ERC1: variants seen among roughly 807,000 people sequenced by gnomAD.
ERC1 encodes ELKS/RAB6-interacting/CAST family member 1, also known as RAB6 interacting protein 2.
ERC1 carries 56 observed loss-of-function variants against 132.0 expected under a neutral mutation model. The observed-to-expected ratio is 0.42, with a 90% CI of 0.34 to 0.53. The LOEUF (loss-of-function observed/expected upper bound fraction) is 0.53, where lower values mean the gene tolerates loss of function less well. Among genes scored for constraint, ERC1 ranks in the 20% least tolerant of loss-of-function variants. The probability of loss-of-function intolerance (pLI) is 0.03; values close to 1 mark genes in which losing one functional copy is unlikely to be tolerated. For missense variants in ERC1, 1,202 were observed against 1,349.9 expected (o/e 0.89, Z 1.72); for synonymous variants, 478 against 476.1 (o/e 1.00, Z -0.05).
chr12:1,236,712 CAT>C (rs1364098850), intron 12 of ERC1, 55 bp from the exon 13 acceptor site: 1 of 1,533,454 alleles, frequency 6.5e-7, no homozygotes, highest in African/African-American at 1.4e-5. Flanking sequence ...TCTAGATAAA[CAT>C]ATTTGTTTCT....
intron 2 of ERC1, 70 bp downstream of exon 2, chr12:1,028,642 C>G (rs1430982813): frequency 1.4e-5 from 18 of 1,280,996 alleles, no homozygotes; most frequent in East Asian, 2.4e-5. Flanking sequence ...TTTTTTTCCC[C>G]TTTCCTAGAT....
At position 1,144,292 on chromosome 12, in the gene ERC1, G is replaced by C. The variant is rs2968893; in HGVS notation, c.1737+2505G>C. Among the ~76,000 whole-genome samples the C allele has an allele frequency of 3.7e-3, 556 of 152,250 alleles. 4 individuals carry two copies. The highest frequency in any genetic ancestry group is 0.013 in the African/African-American group (526 of 41,548). ...TTCAGTAGTTTTTGGAGAACAGGTGGTGTTTGGTGACATGGATAAGTTCTT... is the reference window on the plus strand; with the variant it reads ...TTCAGTAGTTTTTGGAGAACAGGTGCTGTTTGGTGACATGGATAAGTTCTT... On this transcript the variant is annotated intron_variant, in intron 8 of 18. Coordinates refer to ENST00000360905, the MANE Select transcript of ERC1 (RefSeq NM_178040.4).
At chr12:1,477,151 C>T (rs909473125) in intron 18 of ERC1, among the ~76,000 whole-genome samples, 15 of 151,534 alleles carry the variant, frequency 9.9e-5, no homozygotes, top group African/African-American at 3.6e-4. Flanking sequence ...AGATGAGGGA[C>T]ATAGAAGAGT....
At chr12:1,254,820 G>A (rs972770340) in intron 13 of ERC1, among the ~76,000 whole-genome samples, 14 of 152,196 alleles carry the variant, frequency 9.2e-5, no homozygotes, top group African/African-American at 2.4e-4. Context: ...AATAATAATC[G>A]TACGTATGTA....
chr12:1,165,338 C>G (rs1018805100), intron 8 of ERC1, among the ~76,000 whole-genome samples: 1 of 151,468 alleles, frequency 6.6e-6, no homozygotes, highest in African/African-American at 2.4e-5. Flanking sequence ...TGGAGTCTCG[C>G]TCTGTTGCCC....
chr12:1,461,638 G>C (rs2093647055), intron 18 of ERC1, among the ~76,000 whole-genome samples: 1 of 152,160 alleles, frequency 6.6e-6, no homozygotes. Context: ...TTGCACTCCA[G>C]CCTGGGAGAC....
At chr12:1,090,873 T>TGCC (rs1261460373) in intron 3 of ERC1, among the ~76,000 whole-genome samples, 4 of 11,504 alleles carry the variant, frequency 3.5e-4, no homozygotes, top group Admixed American at 1.4e-3. Context: ...GTTGTTATTA[T>TGCC]TATTATTATT....
chr12:1,141,931 C>A (rs754095167), intron 8 of ERC1, 144 bp downstream of exon 8: 3 of 587,128 alleles, frequency 5.1e-6, no homozygotes, highest in African/African-American at 1.9e-5. Flanking sequence ...ACTCTTGTTG[C>A]GGTAGGTAGA....
chr12:1,284,790 C>T (rs558927618), intron 14 of ERC1, among the ~76,000 whole-genome samples: 6 of 152,112 alleles, frequency 3.9e-5, no homozygotes, highest in East Asian at 3.9e-4. Context: ...CCAGAATGGC[C>T]GAGACTACAG....
At chr12:1,039,460 G>C (rs1006993227) in intron 2 of ERC1, among the ~76,000 whole-genome samples, 1 of 151,960 alleles carries the variant, frequency 6.6e-6, no homozygotes, top group Admixed American at 6.5e-5. Flanking sequence ...ACCGCAGGAG[G>C]TGGAAGCTGC....
In ERC1 at chr12:1,459,737, A is replaced by C. The variant is rs548086114; in HGVS notation, c.3213+14987A>C. Among the ~76,000 whole-genome samples, 7 of 152,376 alleles carry C rather than the reference A, an allele frequency of 4.6e-5. No individual in the cohort carries two copies. In the East Asian group the frequency reaches 1.2e-3, roughly 25 times the overall value. On this transcript the variant is annotated intron_variant, in intron 18 of 18. Coordinates refer to ENST00000360905, the MANE Select transcript of ERC1 (RefSeq NM_178040.4). ...GTCAGTTAATTAGCACAAAGTATTT[A>C]TAGTTAATTTACATTGGAAAAATCT...
intron 17 of ERC1, among the ~76,000 whole-genome samples, chr12:1,440,248 A>AG (rs1328223519): frequency 1.0e-4 from 13 of 125,034 alleles, no homozygotes; most frequent in Non-Finnish European, 1.9e-4. Flanking sequence ...TCTGTCGCCC[A>AG]GGCTGGAGTG....
intron 18 of ERC1, among the ~76,000 whole-genome samples, chr12:1,447,574 G>A (rs2093334809): frequency 6.6e-6 from 1 of 151,032 alleles, no homozygotes; most frequent in Non-Finnish European, 1.5e-5. Flanking sequence ...GCTTATTAAT[G>A]TATTAAAGTT....
intron 2 of ERC1, among the ~76,000 whole-genome samples, chr12:1,062,416 C>T (rs901517523): frequency 5.3e-5 from 8 of 152,142 alleles, no homozygotes; most frequent in Admixed American, 6.5e-5. Context: ...GCCACCACAC[C>T]TTGTCATTAT....
intron 13 of ERC1, among the ~76,000 whole-genome samples, chr12:1,252,853 TA>T (rs1334397548): frequency 2.6e-5 from 4 of 152,184 alleles, no homozygotes; most frequent in African/African-American, 7.2e-5. Flanking sequence ...GAGAAGTTGG[TA>T]AATGAATTCT....
chr12:1,393,607 CGTGTGTGTGTGTGTGTGT>C (rs34533745), intron 16 of ERC1, among the ~76,000 whole-genome samples: 7 of 140,158 alleles, frequency 5.0e-5, no homozygotes, highest in East Asian at 2.1e-4. Flanking sequence ...AGAGAACACA[CGTGTGTGTGTGTGTGTGT>C]GTGTGTGTGT....
chr12:1,405,982 G>A (rs933079603), intron 16 of ERC1, among the ~76,000 whole-genome samples: 33 of 152,164 alleles, frequency 2.2e-4, no homozygotes, highest in Admixed American at 1.0e-3. Flanking sequence ...ACATATATGT[G>A]TAATTTTTTA....
In ERC1 at chr12:1,180,934, C is replaced by G. The variant is rs944057797; in HGVS notation, c.1875+257C>G. On this transcript the variant is annotated intron_variant, in intron 9 of 18. Transcript: ENST00000360905. ...TCAAGCGATTCTCCTGCCTCAGCCT[C>G]CCGAGTAGCTGAGATTACAAGCATG... is the stretch of plus-strand genomic sequence containing the variant. Among the ~76,000 whole-genome samples, 3 of 152,002 alleles carry G rather than the reference C, an allele frequency of 2.0e-5. No individual in the cohort carries two copies. In the East Asian group the frequency reaches 5.8e-4, roughly 29 times the overall value.
chr12:996,878 T>C (rs1961036988), intron 1 of ERC1, among the ~76,000 whole-genome samples: 1 of 152,214 alleles, frequency 6.6e-6, no homozygotes. Context: ...ATTGCATACA[T>C]ATAAGAAACA....
Sources: gnomAD v4.1 joint callset for allele counts (sites outside exome capture counted in the v4.1 genomes callset) on GRCh38, gnomAD v4.1.1 for gene constraint, MANE v1.5 for transcripts, NCBI Gene and HGNC (gene_info 2026-07-23, HGNC 2026-07-21) for gene names.